The following NELL1 variants were observed in gnomAD, a reference collection of about 807,000 sequenced individuals.
NELL1 encodes the protein protein kinase C-binding protein NELL1.
Under a neutral mutation model 107.4 loss-of-function variants are expected in NELL1, and 76 were observed. The ratio of observed to expected loss-of-function variants is 0.71; its 90% CI spans 0.59 to 0.86. The LOEUF is 0.86. Among genes scored for constraint, NELL1 ranks in the 40% least tolerant of loss-of-function variants. The pLI is 0.00. For synonymous variants in NELL1, 353 were observed against 341.2 expected (o/e 1.03, Z -0.38); for missense variants, 1,024 against 1,005.5 (o/e 1.02, Z -0.25).
chr11:20,679,590 G>T (rs1854142622), intron 2 of NELL1, among the ~76,000 whole-genome samples: 1 of 152,130 alleles, frequency 6.6e-6, no homozygotes, highest in African/African-American at 2.4e-5. Context: ...ATGGTTAAAA[G>T]GGTAGACTGA....
At chr11:21,077,003 C>G (rs975219853) in intron 12 of NELL1, among the ~76,000 whole-genome samples, 3 of 152,042 alleles carry the variant, frequency 2.0e-5, no homozygotes, top group African/African-American at 7.2e-5. Context: ...TATAAATTAC[C>G]GAGTCTCAGG....
intron 14 of NELL1, among the ~76,000 whole-genome samples, chr11:21,325,341 T>G (rs1301637110): frequency 6.6e-6 from 1 of 152,092 alleles, no homozygotes; most frequent in Admixed American, 6.6e-5. Context: ...TACCTTAAGC[T>G]TTGTCAACAT....
At chr11:21,505,188 T>A (rs377444503) in intron 15 of NELL1, among the ~76,000 whole-genome samples, 25 of 152,318 alleles carry the variant, frequency 1.6e-4, no homozygotes, top group African/African-American at 6.0e-4. Flanking sequence ...TAATTCCTGA[T>A]TAGGTCTCAG....
At chr11:20,883,672 C>T (rs1422215695) in intron 4 of NELL1, among the ~76,000 whole-genome samples, 4 of 152,220 alleles carry the variant, frequency 2.6e-5, no homozygotes, top group African/African-American at 9.6e-5. Flanking sequence ...CTCATTATCT[C>T]TATAGGGCAT....
intron 12 of NELL1, among the ~76,000 whole-genome samples, chr11:20,992,831 C>T (rs1039536624): frequency 4.0e-5 from 6 of 151,142 alleles, no homozygotes; most frequent in Middle Eastern, 3.5e-3. Context: ...TCTCCTGCCT[C>T]AGCCTCCTGA....
intron 12 of NELL1, among the ~76,000 whole-genome samples, chr11:21,076,247 C>T (rs780505418): frequency 1.6e-4 from 25 of 152,206 alleles, no homozygotes; most frequent in African/African-American, 3.9e-4. Context: ...CTGTGTAACA[C>T]GGATACCACA....
chr11:21,327,273 C>A (rs944343601), intron 14 of NELL1, among the ~76,000 whole-genome samples: 13 of 150,788 alleles, frequency 8.6e-5, no homozygotes, highest in Non-Finnish European at 2.9e-5. Flanking sequence ...TGCAGCACAC[C>A]AACATGGCAC....
chr11:21,564,575 GCGAA>G (rs1856926413), intron 17 of NELL1, among the ~76,000 whole-genome samples: 1 of 151,888 alleles, frequency 6.6e-6, no homozygotes, highest in Non-Finnish European at 1.5e-5. Context: ...GAGGAAGAGA[GCGAA>G]CTATGAAGGC....
chr11:20,994,353 T>C (rs983862353), intron 12 of NELL1, among the ~76,000 whole-genome samples: 18 of 152,360 alleles, frequency 1.2e-4, no homozygotes, highest in African/African-American at 4.3e-4. Flanking sequence ...ATGAATCTTA[T>C]GTTAGACATA....
At chr11:21,033,697 A>C (rs1214963289) in intron 12 of NELL1, among the ~76,000 whole-genome samples, 1 of 152,134 alleles carries the variant, frequency 6.6e-6, no homozygotes, top group Non-Finnish European at 1.5e-5. Context: ...TGCTGCAATG[A>C]GTATACACGT....
At chr11:20,838,790 G>C (rs1015348146) in intron 3 of NELL1, among the ~76,000 whole-genome samples, 1 of 152,092 alleles carries the variant, frequency 6.6e-6, no homozygotes. Flanking sequence ...CATATGTTTT[G>C]GTCATTAGTA....
At chr11:21,256,704 C>T (rs1049747269) in intron 14 of NELL1, among the ~76,000 whole-genome samples, 1 of 151,986 alleles carries the variant, frequency 6.6e-6, no homozygotes, top group Non-Finnish European at 1.5e-5. Context: ...AGTTCTTGCT[C>T]TGGGTGCAAC....
At chr11:21,571,765 A>C (rs2134014410) in intron 18 of NELL1, among the ~76,000 whole-genome samples, 1 of 151,996 alleles carries the variant, frequency 6.6e-6, no homozygotes, top group South Asian at 2.1e-4. Flanking sequence ...GATTTCTAGC[A>C]GTGGGAAGAC....
chr11:20,741,832 C>A (rs1190476174), intron 2 of NELL1, among the ~76,000 whole-genome samples: 1 of 152,166 alleles, frequency 6.6e-6, no homozygotes, highest in Non-Finnish European at 1.5e-5. Flanking sequence ...TAATTCTGTG[C>A]TCAGTTAGCC....
At chr11:20,702,439 A>G (rs1463598781) in intron 2 of NELL1, among the ~76,000 whole-genome samples, 2 of 152,142 alleles carry the variant, frequency 1.3e-5, no homozygotes, top group Admixed American at 6.6e-5. Flanking sequence ...TAAATATACA[A>G]TCATGTCATC....
At chr11:20,714,760 A>G (rs1196874040) in intron 2 of NELL1, among the ~76,000 whole-genome samples, 1 of 152,130 alleles carries the variant, frequency 6.6e-6, no homozygotes, top group African/African-American at 2.4e-5. Flanking sequence ...TACTTTTAAA[A>G]TTAAATACCT....
chr11:21,275,325 A>G (rs1395661738), intron 14 of NELL1, among the ~76,000 whole-genome samples: 1 of 152,238 alleles, frequency 6.6e-6, no homozygotes, highest in Non-Finnish European at 1.5e-5. Flanking sequence ...TCCTAGACAC[A>G]TACACCCTCC....
chr11:21,258,057 C>T (rs562420348), intron 14 of NELL1, among the ~76,000 whole-genome samples: 3 of 152,014 alleles, frequency 2.0e-5, no homozygotes, highest in Admixed American at 6.6e-5. Context: ...AGGAGACGCC[C>T]GAAGTGGAGA....
intron 13 of NELL1, among the ~76,000 whole-genome samples, chr11:21,116,950 T>C (rs763573257): frequency 1.1e-4 from 17 of 152,064 alleles, no homozygotes; most frequent in Non-Finnish European, 2.4e-4. Flanking sequence ...AATCCCTGTT[T>C]CTTATTTCAA....
Sources: gnomAD v4.1 joint callset for allele counts (sites outside exome capture counted in the v4.1 genomes callset) on GRCh38, gnomAD v4.1.1 for gene constraint, MANE v1.5 for transcripts, NCBI Gene and HGNC (gene_info 2026-07-23, HGNC 2026-07-21) for gene names.